Variants in CDK14 observed in about 807,000 individuals in gnomAD.
CDK14 encodes the protein cyclin-dependent kinase 14.
In CDK14, 34 loss-of-function variants were observed where a neutral mutation model predicts 60.7. That is an observed-to-expected ratio of 0.56 (90% CI 0.43 to 0.75). CDK14 has a LOEUF of 0.75. Among genes scored for constraint, CDK14 ranks in the 30% least tolerant of loss-of-function variants. The pLI is 0.00. For synonymous variants in CDK14, 197 were observed against 203.7 expected (o/e 0.97, Z 0.28); for missense variants, 482 against 564.1 (o/e 0.85, Z 1.47).
At chr7:90,797,671 C>T (rs1197097201) in intron 5 of CDK14, among the ~76,000 whole-genome samples, 1 of 151,924 alleles carries the variant, frequency 6.6e-6, no homozygotes, top group African/African-American at 2.4e-5. Context: ...ACAGCATCTT[C>T]TGGAGAGGCC....
At chr7:91,138,068 T>G (rs1341653782) in intron 14 of CDK14, among the ~76,000 whole-genome samples, 1 of 152,214 alleles carries the variant, frequency 6.6e-6, no homozygotes, top group East Asian at 1.9e-4. Context: ...TAAGGTTTAA[T>G]TAAAACTGCC....
At chr7:90,685,246 A>C (rs1358112427) in intron 2 of CDK14, among the ~76,000 whole-genome samples, 1 of 151,992 alleles carries the variant, frequency 6.6e-6, no homozygotes, top group East Asian at 1.9e-4. Flanking sequence ...CCACTGCTTC[A>C]AAGTGTTGCC....
chr7:90,857,275 G>A (rs970118882), intron 5 of CDK14, among the ~76,000 whole-genome samples: 5 of 152,110 alleles, frequency 3.3e-5, no homozygotes, highest in African/African-American at 1.2e-4. Context: ...TATTCTCAAA[G>A]TGGGATGCCA....
chr7:90,995,101 A>G (rs802416), intron 10 of CDK14, among the ~76,000 whole-genome samples: 113,643 of 152,104 alleles, frequency 0.75, 42,538 homozygotes, highest in East Asian at 0.77. Context: ...CTCGTTACTC[A>G]CTTCTAATGG....
chr7:90,925,546 A>G lies in CDK14; in HGVS notation c.826+7822A>G, dbSNP rs187543586. On this transcript the variant is annotated intron_variant, in intron 8 of 14. Coordinates refer to ENST00000380050, the MANE Select transcript of CDK14 (RefSeq NM_001287135.2). ...TTGAGAGCATATTGTTATAAGAATC[A>G]CTGATACCAGAATTACAAGAACAAT... Among the ~76,000 whole-genome samples, 528 of 152,324 alleles carry G rather than the reference A, an allele frequency of 3.5e-3. 1 individual carries two copies. The highest frequency in any genetic ancestry group is 6.0e-3 in the Non-Finnish European group (407 of 68,034).
intron 2 of CDK14, among the ~76,000 whole-genome samples, chr7:90,708,165 A>G (rs1399409680): frequency 2.6e-5 from 4 of 152,166 alleles, no homozygotes; most frequent in Non-Finnish European, 5.9e-5. Flanking sequence ...CTAGCATTGT[A>G]TTATGTGGTA....
At chr7:90,913,981 G>A (rs1047112643) in intron 7 of CDK14, among the ~76,000 whole-genome samples, 2 of 152,114 alleles carry the variant, frequency 1.3e-5, no homozygotes, top group African/African-American at 4.8e-5. Flanking sequence ...CAGTTTCTTT[G>A]AGCTCCAGCA....
chr7:90,931,192 G>A lies in CDK14; in HGVS notation c.826+13468G>A, dbSNP rs1169888244. ...TTAGTGCTATTAAAATTCAGACATA[G>A]TATCACTTTACTTTGAAATGCACCT... is the stretch of plus-strand genomic sequence containing the variant. On this transcript the variant is annotated intron_variant, in intron 8 of 14. Coordinates refer to ENST00000380050, the MANE Select transcript of CDK14 (RefSeq NM_001287135.2). 2.6e-5 allele frequency among the ~76,000 whole-genome samples: 4 copies of A among 152,102 alleles called. No individual in the cohort carries two copies. The East Asian group carries it at 7.7e-4, about 29-fold the overall frequency.
At chr7:91,100,537 G>A (rs999187224) in intron 12 of CDK14, among the ~76,000 whole-genome samples, 4 of 152,154 alleles carry the variant, frequency 2.6e-5, no homozygotes, top group Non-Finnish European at 5.9e-5. Flanking sequence ...AATATTTTAT[G>A]ATAATGTCTG....
At chr7:91,091,442 CAT>C (rs1289028549) in intron 12 of CDK14, among the ~76,000 whole-genome samples, 4 of 136,018 alleles carry the variant, frequency 2.9e-5, no homozygotes, top group African/African-American at 1.1e-4. Flanking sequence ...TTTATATACA[CAT>C]ATGTATATAA....
chr7:90,963,941 C>T (rs1046990756), intron 9 of CDK14, among the ~76,000 whole-genome samples: 14 of 152,114 alleles, frequency 9.2e-5, no homozygotes, highest in African/African-American at 3.4e-4. Context: ...GTCTCGAACT[C>T]CTGACCTCGA....
chr7:90,821,408 G>A (rs12540463), intron 5 of CDK14, among the ~76,000 whole-genome samples: 30,879 of 152,172 alleles, frequency 0.2, 3,273 homozygotes, highest in South Asian at 0.24. Flanking sequence ...GCTCTCCTGA[G>A]TGACCTTTGA....
intron 2 of CDK14, among the ~76,000 whole-genome samples, chr7:90,649,342 T>G (rs998530940): frequency 2.0e-5 from 1 of 50,308 alleles, no homozygotes; most frequent in African/African-American, 1.1e-4. Context: ...CCTTCCTTCC[T>G]TCCTTCCTTC....
intron 2 of CDK14, among the ~76,000 whole-genome samples, chr7:90,663,003 C>T (rs1800893559): frequency 6.6e-6 from 1 of 152,032 alleles, no homozygotes; most frequent in African/African-American, 2.4e-5. Flanking sequence ...TGAAACCTAG[C>T]TGTAGCACAC....
chr7:90,738,496 T>C (rs1188571855), intron 3 of CDK14, among the ~76,000 whole-genome samples: 1 of 152,236 alleles, frequency 6.6e-6, no homozygotes, highest in Non-Finnish European at 1.5e-5. Flanking sequence ...TCCATGTCAG[T>C]GTTCCCCTCC....
intron 6 of CDK14, among the ~76,000 whole-genome samples, chr7:90,870,757 C>T (rs983200919): frequency 2.0e-5 from 3 of 152,104 alleles, no homozygotes; most frequent in African/African-American, 7.2e-5. Flanking sequence ...AAAAGTAATG[C>T]TGGTTTTTAA....
intron 14 of CDK14, among the ~76,000 whole-genome samples, chr7:91,186,838 G>A (rs925987246): frequency 6.6e-6 from 1 of 152,092 alleles, no homozygotes; most frequent in African/African-American, 2.4e-5. Flanking sequence ...TATAAAATCT[G>A]TGACAATTAA....
chr7:91,077,007 T>C (rs1798337398), intron 11 of CDK14, among the ~76,000 whole-genome samples: 1 of 152,136 alleles, frequency 6.6e-6, no homozygotes, highest in Non-Finnish European at 1.5e-5. Context: ...TAGCTGCTGG[T>C]GAGGCTGAGG....
chr7:91,177,144 G>T (rs1284450240), intron 14 of CDK14, among the ~76,000 whole-genome samples: 1 of 151,472 alleles, frequency 6.6e-6, no homozygotes, highest in Non-Finnish European at 1.5e-5. Context: ...GGGATGCAAG[G>T]CTGGTTCAAT....
Sources: gnomAD v4.1 joint callset for allele counts (sites outside exome capture counted in the v4.1 genomes callset) on GRCh38, gnomAD v4.1.1 for gene constraint, MANE v1.5 for transcripts, NCBI Gene and HGNC (gene_info 2026-07-23, HGNC 2026-07-21) for gene names.